Variants in NAALADL2 observed in about 807,000 individuals in gnomAD.
The protein encoded by NAALADL2 is N-acetylated alpha-linked acidic dipeptidase like 2.
In NAALADL2, 76 loss-of-function variants were observed where a neutral mutation model predicts 87.2. The ratio of observed to expected loss-of-function variants is 0.87; its 90% CI spans 0.72 to 1.05. The LOEUF (loss-of-function observed/expected upper bound fraction) is 1.05, where lower values mean the gene tolerates loss of function less well. Among genes scored for constraint, NAALADL2 ranks in the 50% least tolerant of loss-of-function variants. NAALADL2 has a pLI of 0.00. For missense variants in NAALADL2, 1,089 were observed against 945.8 expected (o/e 1.15, Z -1.99); for synonymous variants, 354 against 331.0 (o/e 1.07, Z -0.75).
chr3:174,666,471 A>G (rs2037316974), intron 2 of NAALADL2, among the ~76,000 whole-genome samples: 1 of 152,172 alleles, frequency 6.6e-6, no homozygotes. Flanking sequence ...CAATTTTTAT[A>G]TAGATGACTT....
chr3:174,769,505 T>C (rs1483447718), intron 3 of NAALADL2, among the ~76,000 whole-genome samples: 1 of 151,852 alleles, frequency 6.6e-6, no homozygotes, highest in African/African-American at 2.4e-5. Flanking sequence ...ATTACAAATA[T>C]TTTAAAGGGA....
chr3:175,686,794 T>C (rs575693777), intron 11 of NAALADL2, among the ~76,000 whole-genome samples: 42 of 152,302 alleles, frequency 2.8e-4, no homozygotes, highest in African/African-American at 9.4e-4. Flanking sequence ...ATATATTGCT[T>C]AAACATATCC....
chr3:175,242,009 G>A (rs557667467), intron 3 of NAALADL2, among the ~76,000 whole-genome samples: 10 of 151,498 alleles, frequency 6.6e-5, no homozygotes, highest in African/African-American at 1.7e-4. Flanking sequence ...TTACAGGCAC[G>A]CGCCCCCATG....
chr3:175,771,545 C>T (rs1749485524), intron 13 of NAALADL2, among the ~76,000 whole-genome samples: 1 of 152,112 alleles, frequency 6.6e-6, no homozygotes, highest in African/African-American at 2.4e-5. Context: ...TTTTCTCTGG[C>T]TCTAAGGGAG....
intron 1 of NAALADL2, among the ~76,000 whole-genome samples, chr3:174,940,783 T>C (rs1291578666): frequency 6.6e-6 from 1 of 152,148 alleles, no homozygotes; most frequent in Non-Finnish European, 1.5e-5. Context: ...ATCTTCTAGG[T>C]TGACTAGTTT....
At chr3:174,468,562 G>T (rs1716682088) in intron 1 of NAALADL2, among the ~76,000 whole-genome samples, 1 of 151,250 alleles carries the variant, frequency 6.6e-6, no homozygotes, top group Non-Finnish European at 1.5e-5. Flanking sequence ...TTTACTTTTA[G>T]TAGAGATGGG....
intron 2 of NAALADL2, among the ~76,000 whole-genome samples, chr3:175,110,833 C>T (rs969159095): frequency 1.3e-5 from 2 of 151,554 alleles, no homozygotes; most frequent in African/African-American, 2.4e-5. Context: ...TGACCAAAAA[C>T]GTTTAGTAAA....
chr3:175,754,250 C>T (rs961272098), intron 12 of NAALADL2, among the ~76,000 whole-genome samples: 2 of 152,166 alleles, frequency 1.3e-5, no homozygotes, highest in Non-Finnish European at 2.9e-5. Context: ...CACTGAGGCT[C>T]AATAACTTTA....
At chr3:174,572,170 C>A (rs914513352) in intron 2 of NAALADL2, among the ~76,000 whole-genome samples, 4 of 152,026 alleles carry the variant, frequency 2.6e-5, no homozygotes, top group African/African-American at 9.7e-5. Context: ...GCTCTGCTGT[C>A]CAGGCTGGAG....
At chr3:175,569,910 G>A (rs1717781310) in intron 9 of NAALADL2, among the ~76,000 whole-genome samples, 1 of 96,082 alleles carries the variant, frequency 1.0e-5, no homozygotes, top group African/African-American at 2.7e-5. Context: ...ATAACTATAT[G>A]AATTTGTGTG....
At chr3:175,223,036 CATT>C (rs1193225093) in intron 2 of NAALADL2, among the ~76,000 whole-genome samples, 1 of 151,400 alleles carries the variant, frequency 6.6e-6, no homozygotes, top group African/African-American at 2.4e-5. Context: ...TATATGTAGA[CATT>C]GTATAATTAC....
At chr3:175,296,630 T>TGTCTA (rs1212778518) in intron 4 of NAALADL2, among the ~76,000 whole-genome samples, 5 of 152,122 alleles carry the variant, frequency 3.3e-5, no homozygotes, top group African/African-American at 1.2e-4. Context: ...CCATATAGAT[T>TGTCTA]TATGAAGAGA....
intron 1 of NAALADL2, among the ~76,000 whole-genome samples, chr3:174,913,959 ATTAG>A (rs1258191511): frequency 6.6e-6 from 1 of 152,034 alleles, no homozygotes; most frequent in Non-Finnish European, 1.5e-5. Context: ...AAATTCTAGA[ATTAG>A]TTTTAAATAT....
rs1400283240 is a variant in NAALADL2, at chr3:174,994,653, T to A, written c.44-102137T>A. On this transcript the variant is annotated intron_variant, in intron 1 of 13. Coordinates refer to ENST00000454872, the MANE Select transcript of NAALADL2 (RefSeq NM_207015.3). ...TAAAATTCAAATGACCACAGAGCAA[T>A]ATGTAAGAGAATAGTAAAAACGACT... 4.6e-5 allele frequency among the ~76,000 whole-genome samples: 7 copies of A among 152,150 alleles called. No homozygotes were observed. The South Asian group carries it at 1.5e-3, about 32-fold the overall frequency.
At chr3:174,472,319 C>G (rs1336473703) in intron 1 of NAALADL2, among the ~76,000 whole-genome samples, 1 of 152,174 alleles carries the variant, frequency 6.6e-6, no homozygotes, top group Non-Finnish European at 1.5e-5. Context: ...CTTTCTCTGT[C>G]ATTTGGTTCT....
intron 1 of NAALADL2, among the ~76,000 whole-genome samples, chr3:175,025,886 T>C (rs896040359): frequency 1.3e-4 from 20 of 152,156 alleles, no homozygotes; most frequent in African/African-American, 4.8e-4. Flanking sequence ...CTTAGCTCAC[T>C]GCAGCCTCCA....
chr3:175,376,690 A>G (rs1767166707), intron 5 of NAALADL2, among the ~76,000 whole-genome samples: 1 of 152,018 alleles, frequency 6.6e-6, no homozygotes, highest in Non-Finnish European at 1.5e-5. Context: ...AGCCATTTTT[A>G]TACTCAAATA....
chr3:175,732,798 A>G (rs16826200), intron 11 of NAALADL2, among the ~76,000 whole-genome samples: 1 of 151,782 alleles, frequency 6.6e-6, no homozygotes, highest in Admixed American at 6.6e-5. Flanking sequence ...TTGGTTGGTA[A>G]ATTTGGGAGA....
chr3:175,099,284 A>G (rs2108394136), intron 2 of NAALADL2, among the ~76,000 whole-genome samples: 1 of 152,320 alleles, frequency 6.6e-6, no homozygotes, highest in African/African-American at 2.4e-5. Context: ...TTCCAGTCTT[A>G]CACTCCAAAA....
Sources: allele counts gnomAD v4.1 joint callset (sites outside exome capture counted in the v4.1 genomes callset), GRCh38; gene constraint gnomAD v4.1.1; transcripts MANE v1.5; gene names NCBI Gene and HGNC (gene_info 2026-07-23, HGNC 2026-07-21).